The following ZNF497 variants were observed in gnomAD, a reference collection of about 807,000 sequenced individuals.
ZNF497 encodes the protein zinc finger protein 497.
For missense variants in ZNF497, 930 were observed against 714.0 expected (o/e 1.30, Z -3.45); for synonymous variants, 422 against 313.7 (o/e 1.35, Z -3.65).
rs756441397 is a variant in ZNF497 at position 58,357,284 on chromosome 19, C to T, written c.352G>A (p.Gly118Ser). Residue 118 changes from glycine (G) to serine (S), a missense_variant, in exon 3 of 3, where the codon GGC becomes AGC. Physicochemically the swap from Gly to Ser is moderately conservative, Grantham distance 56. Transcript: ENST00000311044. ...CGCCGATGCTGCAGCAAGTAAGAGC[C>T]CTGGCTGAACGCCTTGCCGCACTCC... ...CGECGKAFSQ[G>S]SYLLQHRRVH... is the part of the protein sequence containing the mutation. 1.2e-6 allele frequency: 2 copies of T among 1,611,892 alleles called. No homozygotes were observed. Among genetic ancestry groups the T allele is most frequent in the South Asian group, 2.2e-5 (2 of 90,948 alleles).
Position 58,356,535 on chromosome 19 carries a change from G to C in ZNF497, c.1101C>G (p.Phe367Leu). 6.5e-7 allele frequency: 1 copy of C among 1,549,868 alleles called. No homozygotes were observed. The highest frequency in any genetic ancestry group is 8.7e-7 in the Non-Finnish European group (1 of 1,152,704). The stretch of plus-strand genomic sequence containing the variant: ...GGCTCAGTAGGTTGGAGCGCTGGCT[G>C]AAGGCCTTGCCGCACTGGGCGCACG... ...PHACAQCGKAFSQRSNLLSHR... is the reference protein window; with the variant it reads ...PHACAQCGKALSQRSNLLSHR... The change falls in exon 3 of 3, where the codon TTC becomes TTG. Residue 367 changes from phenylalanine (F) to leucine (L), a missense_variant. Phe to Leu is a conservative substitution (Grantham distance 22). Coordinates refer to ENST00000311044, the MANE Select transcript of ZNF497 (RefSeq NM_198458.3).
intron 1 of ZNF497, among the ~76,000 whole-genome samples, chr19:58,361,053 A>G (rs890479245): frequency 1.3e-5 from 2 of 152,134 alleles, no homozygotes; most frequent in East Asian, 1.9e-4. Flanking sequence ...AAGTGCTGGG[A>G]TTACAGGCGT....
In ZNF497 at chr19:58,356,718, C is replaced by T; in HGVS notation, c.918G>A (p.Glu306=). The T allele has an allele frequency of 6.4e-7, 1 of 1,568,124 alleles. No homozygotes were observed. The highest frequency in any genetic ancestry group is 2.3e-5 in the East Asian group (1 of 42,708). The part of the protein sequence containing the change: ...HSSEKPFPCA[E]CGKAFRESSQ... ...AGCTCTCGCGGAAAGCCTTTCCGCA[C>T]TCGGCGCAGGGGAAGGGCTTCTCGC... The change falls in exon 3 of 3, where the codon GAG becomes GAA. Residue 306 remains glutamate (E), a synonymous_variant. Coordinates refer to ENST00000311044, the MANE Select transcript of ZNF497 (RefSeq NM_198458.3).
rs947508986 is a variant in ZNF497, at chr19:58,356,388, G to T, written c.1248C>A (p.Cys416Ter). ...LSHTGERPFA[C>*]AECGKAFRGS... ...CGCGGAAGGCCTTGCCGCATTCTGCGCAGGCGAAGGGTCGCTCTCCCGTGT... is the reference window on the plus strand; with the variant it reads ...CGCGGAAGGCCTTGCCGCATTCTGCTCAGGCGAAGGGTCGCTCTCCCGTGT... The change falls in exon 3 of 3, where the codon TGC (cysteine) becomes TGA (stop). Residue 416 changes from cysteine (C) to a stop codon, truncating the protein, a stop_gained. Transcript: ENST00000311044. LOFTEE classifies it low-confidence loss of function (END_TRUNC). 1.3e-6 allele frequency: 2 copies of T among 1,566,932 alleles called. No homozygotes were observed. The highest frequency in any genetic ancestry group is 1.3e-5 in the African/African-American group (1 of 74,186).
In ZNF497 at chr19:58,356,759, G is replaced by C. The variant is rs74648140; in HGVS notation, c.877C>G (p.Arg293Gly). The C allele has an allele frequency of 1.9e-6, 3 of 1,561,652 alleles. No homozygotes were observed. The highest frequency in any genetic ancestry group is 3.7e-5 in the Admixed American group (2 of 53,444). ...FVRVAGLRQHRRTHSSEKPFP... is the reference protein window; with the variant it reads ...FVRVAGLRQHGRTHSSEKPFP... ...GGCTTCTCGCTGCTGTGCGTGCGCC[G>C]GTGCTGCCGCAGCCCCGCCACACGC... The change falls in exon 3 of 3, where the codon CGG becomes GGG. Residue 293 changes from arginine (R) to glycine (G), a missense_variant. Arg to Gly is a moderately radical substitution (Grantham distance 125). Coordinates refer to ENST00000311044, the MANE Select transcript of ZNF497 (RefSeq NM_198458.3).
intron 1 of ZNF497, among the ~76,000 whole-genome samples, chr19:58,362,239 G>T (rs913901674): frequency 6.6e-6 from 1 of 152,238 alleles, no homozygotes; most frequent in Admixed American, 6.5e-5. Context: ...AGGAAGCTGC[G>T]GCCAGGTGGC....
Position 58,356,581 on chromosome 19 carries a change from T to C in ZNF497, c.1055A>G (p.His352Arg). 1 of 1,547,896 alleles carries C rather than the reference T, an allele frequency of 6.5e-7. No individual in the cohort carries two copies. The change falls in exon 3 of 3, where the codon CAC becomes CGC. Residue 352 changes from histidine to arginine, a missense_variant. By Grantham distance (29) the His-to-Arg change is conservative (BLOSUM62 0). Coordinates refer to ENST00000311044, the MANE Select transcript of ZNF497 (RefSeq NM_198458.3). The part of the protein sequence containing the change: ...GSYLAEHRRV[H>R]TGEKPHACAQ... ...GCACGCATGAGGCTTCTCGCCCGTG[T>C]GCACGCGCCGGTGCTCCGCCAGGTA...
At chr19:58,358,637 T>TGAG (rs10692126) in intron 1 of ZNF497, 52 bp from the exon 2 acceptor site, 471,231 of 993,134 alleles carry the variant, frequency 0.47, 119,829 homozygotes, top group East Asian at 0.73. Context: ...CTAGCAGATC[T>TGAG]GAGAAAACAA....
At chr19:58,361,934 A>G (rs762381295) in intron 1 of ZNF497, among the ~76,000 whole-genome samples, 25 of 152,116 alleles carry the variant, frequency 1.6e-4, no homozygotes, top group Non-Finnish European at 3.5e-4. Flanking sequence ...CGCATCTATC[A>G]GGGCTGCCGT....
chr19:58,357,316 C>T lies in ZNF497; in HGVS notation c.320G>A (p.Arg107Gln). The T allele has an allele frequency of 6.2e-7, 1 of 1,605,708 alleles. No homozygotes were observed. The highest frequency in any genetic ancestry group is 1.1e-5 in the South Asian group (1 of 90,276). ...PSPLPEEPGC[R>Q]CGECGKAFSQ... ...GAACGCCTTGCCGCACTCCCCGCAC[C>T]GGCAGCCCGGCTCCTCTGGGAGAGG... The change falls in exon 3 of 3, where the codon CGG becomes CAG. Residue 107 changes from arginine to glutamine, a missense_variant. Arg to Gln is a conservative substitution (Grantham distance 43). Coordinates refer to ENST00000311044, the MANE Select transcript of ZNF497 (RefSeq NM_198458.3).
intron 1 of ZNF497, among the ~76,000 whole-genome samples, chr19:58,360,148 G>A (rs1443063293): frequency 6.6e-6 from 1 of 152,154 alleles, no homozygotes; most frequent in African/African-American, 2.4e-5. Context: ...GTAGATCAGC[G>A]GTTGCCAGGA....
chr19:58,357,024 C>T lies in ZNF497; in HGVS notation c.612G>A (p.Thr204=), dbSNP rs771099225. The T allele has an allele frequency of 1.2e-6, 2 of 1,607,250 alleles. No homozygotes were observed. The highest frequency in any genetic ancestry group is 1.7e-6 in the Non-Finnish European group (2 of 1,178,484). The change falls in exon 3 of 3, where the codon ACG becomes ACA. Residue 204 remains threonine, a synonymous_variant. Coordinates refer to ENST00000311044, the MANE Select transcript of ZNF497 (RefSeq NM_198458.3). ...TGTGCGTGCGTCGGTGCTGCACCAG[C>T]GTGGTGCTTCGGCCGAAGGACTTGC... ...DCGKSFGRST[T]LVQHRRTHTG...
At chr19:58,357,998 G>A (rs542284753) in intron 2 of ZNF497, 1 of 1,249,510 alleles carries the variant, frequency 8.0e-7, no homozygotes, top group African/African-American at 1.5e-5. Context: ...TTGCTTCACA[G>A]GGTGGGGCCC....
intron 1 of ZNF497, among the ~76,000 whole-genome samples, chr19:58,360,164 AG>A (rs1198147604): frequency 1.3e-5 from 2 of 152,212 alleles, no homozygotes; most frequent in Non-Finnish European, 2.9e-5. Flanking sequence ...CAGGATCTGC[AG>A]GGAAGAGAGA....
rs1174346225 is a variant in ZNF497 at position 58,357,488 on chromosome 19, C to T, written c.148G>A (p.Glu50Lys). 2 of 1,597,496 alleles carry T rather than the reference C, an allele frequency of 1.3e-6. No homozygotes were observed. Among genetic ancestry groups the T allele is most frequent in the Non-Finnish European group, 1.7e-6 (2 of 1,172,648 alleles). ...TGCTGCCGCTGGCCGTCCCCTGCCT[C>T]CCTCGGAACCTCCGTGGAGTTTTCC... The part of the protein sequence containing the change: ...AWENSTEVPR[E>K]AGDGQRQQAT... Residue 50 changes from glutamate to lysine, a missense_variant, in exon 3 of 3, where the codon GAG becomes AAG. Glu to Lys is a moderately conservative substitution (Grantham distance 56). Coordinates refer to ENST00000311044, the MANE Select transcript of ZNF497 (RefSeq NM_198458.3).
chr19:58,361,340 T>C (rs964999266), intron 1 of ZNF497, among the ~76,000 whole-genome samples: 3 of 152,170 alleles, frequency 2.0e-5, no homozygotes, highest in African/African-American at 4.8e-5. Context: ...AGTTGTGATA[T>C]TGTACTCTAG....
intron 1 of ZNF497, among the ~76,000 whole-genome samples, chr19:58,361,935 G>A (rs1358296548): frequency 6.6e-6 from 1 of 152,168 alleles, no homozygotes; most frequent in African/African-American, 2.4e-5. Context: ...GCATCTATCA[G>A]GGCTGCCGTC....
At position 58,356,337 on chromosome 19, in the gene ZNF497, C is replaced by T; in HGVS notation, c.1299G>A (p.Gln433=). Residue 433 remains glutamine (Q), a synonymous_variant, in exon 3 of 3, where the codon CAG becomes CAA. Coordinates refer to ENST00000311044, the MANE Select transcript of ZNF497 (RefSeq NM_198458.3). ...FRGSSELRQH[Q]RLHSGERPFV... is the part of the protein sequence containing the mutation. The stretch of plus-strand genomic sequence containing the variant: ...ACGGCCTCTCGCCAGAGTGCAGGCG[C>T]TGGTGCTGGCGCAGCTCGGAGCTGC... 6.4e-7 allele frequency: 1 copy of T among 1,571,386 alleles called. No individual in the cohort carries two copies. Among genetic ancestry groups the T allele is most frequent in the Non-Finnish European group, 8.6e-7 (1 of 1,161,012 alleles).
rs1439842681 is a variant in ZNF497 at position 58,356,897 on chromosome 19, C to A, written c.739G>T (p.Ala247Ser). The change falls in exon 3 of 3, where the codon GCC (alanine) becomes TCC (serine). Residue 247 changes from alanine (A) to serine (S), a missense_variant. Physicochemically the swap from Ala to Ser is moderately conservative, Grantham distance 99. Transcript: ENST00000311044. ...RRVHTGARPH[A>S]CRDCGKAFSQ... is the part of the protein sequence containing the mutation. ...AAGGCCTTGCCACAGTCCCGGCAGGCGTGCGGCCGCGCGCCCGTGTGCACG... is the reference window on the plus strand; with the variant it reads ...AAGGCCTTGCCACAGTCCCGGCAGGAGTGCGGCCGCGCGCCCGTGTGCACG... The A allele has an allele frequency of 6.3e-7, 1 of 1,590,410 alleles. No homozygotes were observed. The highest frequency in any genetic ancestry group is 8.5e-7 in the Non-Finnish European group (1 of 1,173,418).
Sources: allele counts gnomAD v4.1 joint callset (sites outside exome capture counted in the v4.1 genomes callset), GRCh38; gene constraint gnomAD v4.1.1; transcripts MANE v1.5; gene names NCBI Gene and HGNC (gene_info 2026-07-23, HGNC 2026-07-21).